Variants in PLAGL1 observed in about 807,000 individuals in gnomAD.
The protein encoded by PLAGL1 is PLAG1 like zinc finger 1.
PLAGL1 carries 1 observed loss-of-function variant against 4.6 expected under a neutral mutation model. That is an observed-to-expected ratio of 0.22 (90% confidence interval 0.08 to 1.03). The LOEUF is 1.03. Ranked by LOEUF, PLAGL1 falls within the 50% of genes least tolerant of loss-of-function variation. PLAGL1 has a pLI of 0.58. For synonymous variants in PLAGL1, 240 were observed against 237.8 expected (o/e 1.01, Z -0.08); for missense variants, 464 against 570.4 (o/e 0.81, Z 1.90).
Position 143,997,377 on chromosome 6 carries a change from A to T in PLAGL1, c.-584+10713T>A, listed in dbSNP as rs1433291601. Among the ~76,000 whole-genome samples, 1 of 152,200 alleles carries T rather than the reference A, an allele frequency of 6.6e-6. No individual in the cohort carries two copies. The highest frequency in any genetic ancestry group is 1.9e-4 in the East Asian group (1 of 5,200). On this transcript the variant is annotated intron_variant, in intron 1 of 7. Coordinates refer to ENST00000674357, the MANE Select transcript of PLAGL1 (RefSeq NM_001317162.2). The surrounding 1 kb of genome is among the most constrained non-coding windows in gnomAD (Gnocchi z 4.6). Reference sequence around the variant, plus strand: ...TTTGTAAGAACCCAAACTAGAACACACCCACATAGCTATTTACAAAATGGA... The same window carrying T: ...TTTGTAAGAACCCAAACTAGAACACTCCCACATAGCTATTTACAAAATGGA...
At chr6:144,058,794 C>T (rs1444786799) in intron 1 of PLAGL1, among the ~76,000 whole-genome samples, 1 of 152,182 alleles carries the variant, frequency 6.6e-6, no homozygotes, top group Non-Finnish European at 1.5e-5. Flanking sequence ...CACATGGGTA[C>T]AAGGAGTAGA....
intron 1 of PLAGL1, among the ~76,000 whole-genome samples, chr6:144,002,238 C>T (rs1793062304): frequency 6.6e-6 from 1 of 152,066 alleles, no homozygotes; most frequent in African/African-American, 2.4e-5. Flanking sequence ...TTTGCGAAAG[C>T]AATTCTCAGT....
At position 144,048,081 on chromosome 6, in the gene PLAGL1, A is replaced by C. The variant is rs1214450502; in HGVS notation, c.-151+16387T>G. 6.6e-6 allele frequency among the ~76,000 whole-genome samples: 1 copy of C among 152,220 alleles called. No homozygotes were observed. Among genetic ancestry groups the C allele is most frequent in the Non-Finnish European group, 1.5e-5 (1 of 68,040 alleles). ...CAAAATCCAAGGGGACAGTCATTAAATCTTAAAGCTCCAACATAATCTCCT... is the reference window on the plus strand; with the variant it reads ...CAAAATCCAAGGGGACAGTCATTAACTCTTAAAGCTCCAACATAATCTCCT... On this transcript the variant is annotated intron_variant, in intron 1 of 3. Coordinates refer to the PLAGL1 transcript ENST00000437412. This position sits in a 1 kb window ranked among gnomAD's most constrained non-coding sequence, Gnocchi z 4.8.
chr6:144,028,970 T>C (rs1400539039), intron 1 of PLAGL1, among the ~76,000 whole-genome samples: 2 of 152,212 alleles, frequency 1.3e-5, no homozygotes, highest in Non-Finnish European at 2.9e-5. Flanking sequence ...TGATCTGGAA[T>C]AATTACAGTA....
Position 143,995,324 on chromosome 6 carries a change from T to C in PLAGL1, c.-583-10150A>G, listed in dbSNP as rs939654875. Among the ~76,000 whole-genome samples the C allele has an allele frequency of 1.4e-4, 21 of 152,232 alleles. No homozygotes were observed. Among genetic ancestry groups the C allele is most frequent in the Non-Finnish European group, 2.8e-4 (19 of 68,034 alleles). On this transcript the variant is annotated intron_variant, in intron 1 of 7. Coordinates refer to ENST00000674357, the MANE Select transcript of PLAGL1 (RefSeq NM_001317162.2). This position sits in a 1 kb window ranked among gnomAD's most constrained non-coding sequence, Gnocchi z 4.4. ...CACGTATCAAGCTACCCTTTTCATA[T>C]CATTCAATAAATGATGCATAATTTT...
At chr6:144,032,928 G>A (rs1287566690) in intron 1 of PLAGL1, among the ~76,000 whole-genome samples, 1 of 152,148 alleles carries the variant, frequency 6.6e-6, no homozygotes, top group Non-Finnish European at 1.5e-5. Flanking sequence ...GAGATTAAGA[G>A]GGACACTATA....
At position 144,053,297 on chromosome 6, in the gene PLAGL1, G is replaced by A. The variant is rs919610402; in HGVS notation, c.-151+11171C>T. 1.3e-5 allele frequency among the ~76,000 whole-genome samples: 2 copies of A among 152,126 alleles called. No homozygotes were observed. The highest frequency in any genetic ancestry group is 2.9e-5 in the Non-Finnish European group (2 of 68,024). ...TTACAGGCATGCACCATCATGCCGA[G>A]CTAATTTTTGTATTTTTAGTGGAGA... On this transcript the variant is annotated intron_variant, in intron 1 of 3. Transcript: ENST00000437412. This position sits in a 1 kb window ranked among gnomAD's most constrained non-coding sequence, Gnocchi z 4.0.
At chr6:144,037,018 G>C (rs888714598) in intron 1 of PLAGL1, 1 of 163,338 alleles carries the variant, frequency 6.1e-6, no homozygotes, top group African/African-American at 2.4e-5. Flanking sequence ...CCTTCGCACA[G>C]TCTGCTTGCC....
intron 1 of PLAGL1, among the ~76,000 whole-genome samples, chr6:144,040,705 G>A (rs999112579): frequency 6.6e-6 from 1 of 151,872 alleles, no homozygotes; most frequent in Non-Finnish European, 1.5e-5. Context: ...GGCAAAACCT[G>A]TCTCCACTAA....
At chr6:143,974,054 G>A (rs1180893856) in intron 2 of PLAGL1, among the ~76,000 whole-genome samples, 2 of 152,152 alleles carry the variant, frequency 1.3e-5, no homozygotes, top group Non-Finnish European at 2.9e-5. Flanking sequence ...CAAGGAGAGA[G>A]GAGAGAGCAA....
At position 143,973,653 on chromosome 6, in the gene PLAGL1, A is replaced by T. The variant is rs1390084350; in HGVS notation, c.-543-4675T>A. ...ATGTCACCGTACCCAAACTATATGG[A>T]AACTTTATTCTCAATCGAATGGTTC... On this transcript the variant is annotated intron_variant, in intron 2 of 7. Transcript: ENST00000674357. The surrounding 1 kb of genome is among the most constrained non-coding windows in gnomAD (Gnocchi z 6.2). 1.3e-5 allele frequency among the ~76,000 whole-genome samples: 2 copies of T among 152,204 alleles called. No homozygotes were observed. Among genetic ancestry groups the T allele is most frequent in the Non-Finnish European group, 2.9e-5 (2 of 68,026 alleles).
In PLAGL1 at chr6:143,954,293, GAA is replaced by G. The variant is rs146847400; in HGVS notation, c.-324-5835_-324-5834del. Among the ~76,000 whole-genome samples the G allele has an allele frequency of 5.2e-4, 79 of 151,824 alleles. No homozygotes were observed. In the East Asian group the frequency reaches 0.013, roughly 25 times the overall value. ...GAAAACTGACACAAAAAGTAACGGGGAAAAAAAGACTACGGGGGGAAGGAAAC... is the reference window on the plus strand; with the variant it reads ...GAAAACTGACACAAAAAGTAACGGGGAAAAAGACTACGGGGGGAAGGAAAC... On this transcript the variant is annotated intron_variant, in intron 6 of 7. Coordinates refer to ENST00000674357, the MANE Select transcript of PLAGL1 (RefSeq NM_001317162.2). The surrounding 1 kb of genome is among the most constrained non-coding windows in gnomAD (Gnocchi z 5.1).
chr6:144,048,543 A>C lies in PLAGL1; in HGVS notation c.-151+15925T>G, dbSNP rs1029679223. Among the ~76,000 whole-genome samples, 1 of 152,208 alleles carries C rather than the reference A, an allele frequency of 6.6e-6. No individual in the cohort carries two copies. Among genetic ancestry groups the C allele is most frequent in the African/African-American group, 2.4e-5 (1 of 41,456 alleles). On this transcript the variant is annotated intron_variant, in intron 1 of 3. Transcript: ENST00000437412. The surrounding 1 kb of genome is among the most constrained non-coding windows in gnomAD (Gnocchi z 4.8). ...CACCCTCAGACCCAACACTATATGG[A>C]AGCCTCCAAGGCTTACAGCTTGCAG... is the stretch of plus-strand genomic sequence containing the variant.
In PLAGL1 at chr6:143,980,527, G is replaced by A. The variant is rs563559548; in HGVS notation, c.-544+4608C>T. Among the ~76,000 whole-genome samples the A allele has an allele frequency of 2.6e-5, 4 of 151,870 alleles. No homozygotes were observed. The South Asian group carries it at 8.3e-4, about 32-fold the overall frequency. On this transcript the variant is annotated intron_variant, in intron 2 of 7. Coordinates refer to ENST00000674357, the MANE Select transcript of PLAGL1 (RefSeq NM_001317162.2). ...CTAGAGGTCTAGAAGTTCAATTTAG[G>A]TCTTTTTATAGCTTCCATCTTTTCT...
At position 144,004,427 on chromosome 6, in the gene PLAGL1, C is replaced by G. The variant is rs971803511; in HGVS notation, c.-584+3663G>C. Among the ~76,000 whole-genome samples the G allele has an allele frequency of 6.6e-6, 1 of 151,940 alleles. No individual in the cohort carries two copies. Among genetic ancestry groups the G allele is most frequent in the Non-Finnish European group, 1.5e-5 (1 of 67,958 alleles). On this transcript the variant is annotated intron_variant, in intron 1 of 7. Coordinates refer to ENST00000674357, the MANE Select transcript of PLAGL1 (RefSeq NM_001317162.2). The surrounding 1 kb of genome is among the most constrained non-coding windows in gnomAD (Gnocchi z 4.2). ...TAGTTTGCCAACCCTTGATACAAAGCAAAAATAAAAAACAAACAAAAATTC... is the reference window on the plus strand; with the variant it reads ...TAGTTTGCCAACCCTTGATACAAAGGAAAAATAAAAAACAAACAAAAATTC...
At position 144,048,977 on chromosome 6, in the gene PLAGL1, A is replaced by G. The variant is rs138024830; in HGVS notation, c.-151+15491T>C. On this transcript the variant is annotated intron_variant, in intron 1 of 3. Transcript: ENST00000437412. This position sits in a 1 kb window ranked among gnomAD's most constrained non-coding sequence, Gnocchi z 4.8. The stretch of plus-strand genomic sequence containing the variant: ...GAATGCATAAGATTGAATGCTTTCA[A>G]AATCAACCAGGTCACCTCTTGAATG... Among the ~76,000 whole-genome samples the G allele has an allele frequency of 5.5e-3, 835 of 152,352 alleles. 6 individuals carry two copies. The highest frequency in any genetic ancestry group is 0.011 in the Admixed American group (174 of 15,296).
At position 143,965,176 on chromosome 6, in the gene PLAGL1, G is replaced by C. The variant is rs1021614121; in HGVS notation, c.-430-358C>G. The C allele has an allele frequency of 1.3e-5, 2 of 152,208 alleles. No homozygotes were observed. The highest frequency in any genetic ancestry group is 2.9e-5 in the Non-Finnish European group (2 of 68,042). 9.4% of individuals were successfully genotyped at this position (152,208 alleles called of 1,614,324 possible). ...CTGTAAGATGTTGTAGTAATGGTCA[G>C]TACTTGCAGCACCAAATGGGCACGT... On this transcript the variant is annotated intron_variant, in intron 4 of 7. Coordinates refer to ENST00000674357, the MANE Select transcript of PLAGL1 (RefSeq NM_001317162.2). This position sits in a 1 kb window ranked among gnomAD's most constrained non-coding sequence, Gnocchi z 7.5.
chr6:144,018,777 A>G (rs1156451162), intron 1 of PLAGL1, among the ~76,000 whole-genome samples: 1 of 152,232 alleles, frequency 6.6e-6, no homozygotes, highest in Non-Finnish European at 1.5e-5. Context: ...TCCTAATGTG[A>G]TATACTGATC....
rs1794775312 is a variant in PLAGL1 at position 144,008,253 on chromosome 6, G to A, written c.-747C>T. 6.6e-6 allele frequency: 1 copy of A among 151,992 alleles called. No homozygotes were observed. The highest frequency in any genetic ancestry group is 1.5e-5 in the Non-Finnish European group (1 of 68,054). The allele number at this position is 151,992 out of a possible 1,614,324, so 9.4% of individuals were successfully genotyped here. On this transcript the variant is annotated 5_prime_UTR_variant, in exon 1 of 8. Coordinates refer to ENST00000674357, the MANE Select transcript of PLAGL1 (RefSeq NM_001317162.2). The surrounding 1 kb of genome is among the most constrained non-coding windows in gnomAD (Gnocchi z 6.9). The stretch of plus-strand genomic sequence containing the variant: ...TCCGTCCGTCCAGCACCCGCCCGGA[G>A]AGTGAGGCCAGAGCACGCCCCAGCC...
Sources: allele counts gnomAD v4.1 joint callset (sites outside exome capture counted in the v4.1 genomes callset), GRCh38; gene constraint gnomAD v4.1.1; non-coding constraint Gnocchi (gnomAD v3.1); transcripts MANE v1.5; gene names NCBI Gene and HGNC (gene_info 2026-07-23, HGNC 2026-07-21).